Variants in CSMD1 observed in about 807,000 individuals in gnomAD.
CSMD1 encodes the protein CUB and sushi domain-containing protein 1.
CSMD1 carries 213 observed loss-of-function variants against 417.5 expected under a neutral mutation model. The observed-to-expected ratio is 0.51, with a 90% CI of 0.46 to 0.57. The LOEUF is 0.57. Ranked by LOEUF, CSMD1 falls within the 20% of genes least tolerant of loss-of-function variation. The pLI, the probability that CSMD1 is intolerant of heterozygous loss-of-function variation, is 0.00. For missense variants in CSMD1, 6,923 were observed against 4,529.7 expected (o/e 1.53, Z -15.17); for synonymous variants, 2,862 against 1,736.8 (o/e 1.65, Z -16.11).
chr8:4,861,420 G>C (rs1423579367), intron 1 of CSMD1, among the ~76,000 whole-genome samples: 1 of 152,092 alleles, frequency 6.6e-6, no homozygotes, highest in Non-Finnish European at 1.5e-5. Flanking sequence ...CCAGAAACAT[G>C]TGAAGAAAGC....
chr8:3,176,755 T>G (rs1304225019), intron 37 of CSMD1, among the ~76,000 whole-genome samples: 1 of 150,226 alleles, frequency 6.7e-6, no homozygotes, highest in Non-Finnish European at 1.5e-5. Context: ...CTCATTTCCT[T>G]TTCTTTCTTT....
intron 2 of CSMD1, among the ~76,000 whole-genome samples, chr8:4,507,199 A>T (rs1404565446): frequency 6.6e-6 from 1 of 152,228 alleles, no homozygotes; most frequent in Non-Finnish European, 1.5e-5. Flanking sequence ...GTTTGTTAAT[A>T]AGACACAATA....
At chr8:3,578,117 G>C (rs544409226) in intron 9 of CSMD1, among the ~76,000 whole-genome samples, 1 of 152,290 alleles carries the variant, frequency 6.6e-6, no homozygotes, top group East Asian at 1.9e-4. Context: ...CCTCCATCTA[G>C]CACACCCACT....
At chr8:4,433,658 G>GTGT (rs1797993770) in intron 2 of CSMD1, among the ~76,000 whole-genome samples, 1 of 152,152 alleles carries the variant, frequency 6.6e-6, no homozygotes, top group Non-Finnish European at 1.5e-5. Context: ...TTGTCTGAAA[G>GTGT]AGCTACACTC....
chr8:4,141,168 C>G (rs1803767748), intron 3 of CSMD1, among the ~76,000 whole-genome samples: 2 of 151,154 alleles, frequency 1.3e-5, no homozygotes, highest in Non-Finnish European at 2.9e-5. Flanking sequence ...GTGTCTCTCA[C>G]AGTTTCAAAA....
At chr8:4,463,411 C>G (rs899104260) in intron 2 of CSMD1, among the ~76,000 whole-genome samples, 1 of 152,120 alleles carries the variant, frequency 6.6e-6, no homozygotes, top group African/African-American at 2.4e-5. Context: ...ACCAGCAAAT[C>G]CACAGCTAGT....
intron 5 of CSMD1, chr8:3,950,084 A>T: frequency 2.3e-6 from 1 of 442,274 alleles, no homozygotes; most frequent in Non-Finnish European, 4.5e-6. Context: ...TAAAAAGAAA[A>T]TCTTCCTTAA....
At chr8:4,452,450 C>G (rs1277270690) in intron 2 of CSMD1, among the ~76,000 whole-genome samples, 1 of 152,202 alleles carries the variant, frequency 6.6e-6, no homozygotes, top group Admixed American at 6.5e-5. Flanking sequence ...GGCATTAATC[C>G]TGTCAGGCAT....
At chr8:3,708,194 A>G (rs1243985215) in intron 7 of CSMD1, among the ~76,000 whole-genome samples, 1 of 152,212 alleles carries the variant, frequency 6.6e-6, no homozygotes, top group East Asian at 1.9e-4. Flanking sequence ...TGATCAGGGC[A>G]GACGTGACAC....
intron 1 of CSMD1, among the ~76,000 whole-genome samples, chr8:4,754,584 G>T (rs1811549156): frequency 6.6e-6 from 1 of 151,856 alleles, no homozygotes; most frequent in Non-Finnish European, 1.5e-5. Context: ...AGGCGCAGTG[G>T]CTCATGTCTG....
chr8:4,878,935 G>A (rs1243797661), intron 1 of CSMD1, among the ~76,000 whole-genome samples: 1 of 151,660 alleles, frequency 6.6e-6, no homozygotes, highest in Non-Finnish European at 1.5e-5. Context: ...AGGACGACAA[G>A]GTGAAGAGGA....
In CSMD1 at chr8:4,665,621, G is replaced by A. The variant is rs1239684326; in HGVS notation, c.86-28063C>T. Among the ~76,000 whole-genome samples, 3 of 152,146 alleles carry A rather than the reference G, an allele frequency of 2.0e-5. 1 individual carries two copies. The highest frequency in any genetic ancestry group is 2.0e-4 in the Admixed American group (3 of 15,268). On this transcript the variant is annotated intron_variant, in intron 1 of 69. Coordinates refer to ENST00000635120, the MANE Select transcript of CSMD1 (RefSeq NM_033225.6). The stretch of plus-strand genomic sequence containing the variant: ...AATAGAATCATACAGTGTGCATGCA[G>A]CCTTTTGCAATGGCTTATTCCACGT...
chr8:3,363,984 A>G (rs1005805315), intron 20 of CSMD1, among the ~76,000 whole-genome samples: 1 of 152,206 alleles, frequency 6.6e-6, no homozygotes, highest in African/African-American at 2.4e-5. Flanking sequence ...ACTAGGAAAC[A>G]CAATCAGGAA....
intron 3 of CSMD1, among the ~76,000 whole-genome samples, chr8:4,231,820 A>T (rs561200689): frequency 6.6e-6 from 1 of 152,226 alleles, no homozygotes; most frequent in East Asian, 1.9e-4. Flanking sequence ...CTGCCAGTAT[A>T]GGAAAAGCAC....
At chr8:2,985,935 G>C (rs1313450905) in intron 54 of CSMD1, among the ~76,000 whole-genome samples, 1 of 141,066 alleles carries the variant, frequency 7.1e-6, no homozygotes, top group Non-Finnish European at 1.5e-5. Flanking sequence ...GGGAGGGGAG[G>C]GAAGGGAAGG....
intron 6 of CSMD1, among the ~76,000 whole-genome samples, chr8:3,725,887 T>G (rs186675139): frequency 6.6e-6 from 1 of 152,292 alleles, no homozygotes; most frequent in Non-Finnish European, 1.5e-5. Flanking sequence ...AACATGCCCT[T>G]GAAAAGATGG....
chr8:3,468,088 A>G (rs1358601748), intron 12 of CSMD1, among the ~76,000 whole-genome samples: 1 of 152,222 alleles, frequency 6.6e-6, no homozygotes, highest in Non-Finnish European at 1.5e-5. Context: ...GATCACAACT[A>G]TATAGACAAT....
intron 15 of CSMD1, among the ~76,000 whole-genome samples, chr8:3,405,437 C>T (rs772184408): frequency 1.3e-5 from 2 of 152,014 alleles, no homozygotes; most frequent in African/African-American, 4.8e-5. Flanking sequence ...GTATTTATGT[C>T]GGCTGTAACA....
In CSMD1 at chr8:4,604,362, T is replaced by A. The variant is rs186291527; in HGVS notation, c.302+32980A>T. On this transcript the variant is annotated intron_variant, in intron 2 of 69. Transcript: ENST00000635120. The stretch of plus-strand genomic sequence containing the variant: ...TATATATAATATATTATTCTAGTCT[T>A]TACTCTTGACAAATAGCATTGTGTG... Among the ~76,000 whole-genome samples the A allele has an allele frequency of 3.0e-3, 442 of 146,610 alleles. 3 individuals carry two copies. Among genetic ancestry groups the A allele is most frequent in the African/African-American group, 0.011 (427 of 40,258 alleles).
Sources: gnomAD v4.1 joint callset for allele counts (sites outside exome capture counted in the v4.1 genomes callset) on GRCh38, gnomAD v4.1.1 for gene constraint, MANE v1.5 for transcripts, NCBI Gene and HGNC (gene_info 2026-07-23, HGNC 2026-07-21) for gene names.